The following RGS20 variants were observed in gnomAD, a reference collection of about 807,000 sequenced individuals.
RGS20 encodes regulator of G protein signaling 20.
RGS20 carries 30 observed loss-of-function variants against 33.6 expected under a neutral mutation model. The ratio of observed to expected loss-of-function variants is 0.89; its 90% CI spans 0.67 to 1.21. The LOEUF (loss-of-function observed/expected upper bound fraction) is 1.21, where lower values mean the gene tolerates loss of function less well. Among genes scored for constraint, RGS20 ranks in the 50% most tolerant of loss-of-function variants. The pLI is 0.00. For synonymous variants in RGS20, 208 were observed against 197.9 expected (o/e 1.05, Z -0.43); for missense variants, 472 against 502.4 (o/e 0.94, Z 0.58).
At chr8:53,899,594 G>A (rs1812956331) in intron 2 of RGS20, among the ~76,000 whole-genome samples, 1 of 152,120 alleles carries the variant, frequency 6.6e-6, no homozygotes, top group Non-Finnish European at 1.5e-5. Context: ...AGCAGCCCCA[G>A]GCAGCCACTG....
chr8:53,920,625 G>A (rs1472274674), intron 2 of RGS20, among the ~76,000 whole-genome samples: 1 of 152,152 alleles, frequency 6.6e-6, no homozygotes, highest in African/African-American at 2.4e-5. Flanking sequence ...TAGAGAGAAA[G>A]CCATCAGTCT....
chr8:53,926,868 A>G (rs7011248), intron 2 of RGS20, among the ~76,000 whole-genome samples: 62,074 of 151,800 alleles, frequency 0.41, 15,829 homozygotes, highest in African/African-American at 0.73. Context: ...AGCCGAGATC[A>G]CACCACTGCA....
chr8:53,900,470 G>T (rs918426733), intron 2 of RGS20, among the ~76,000 whole-genome samples: 8 of 151,946 alleles, frequency 5.3e-5, no homozygotes, highest in African/African-American at 1.9e-4. Flanking sequence ...CACCTATAAG[G>T]TCTTTCTATA....
intron 1 of RGS20, among the ~76,000 whole-genome samples, chr8:53,874,595 T>C (rs1164038291): frequency 1.3e-5 from 2 of 152,196 alleles, no homozygotes; most frequent in Non-Finnish European, 2.9e-5. Context: ...AGTTGGAAAC[T>C]CAGTCAGCGT....
chr8:53,956,567 C>T (rs1287920616), intron 5 of RGS20, among the ~76,000 whole-genome samples: 1 of 152,082 alleles, frequency 6.6e-6, no homozygotes, highest in Non-Finnish European at 1.5e-5. Flanking sequence ...TGAGGCAAAC[C>T]CCACCGTCTC....
intron 1 of RGS20, among the ~76,000 whole-genome samples, chr8:53,864,941 A>T (rs1208663809): frequency 2.6e-5 from 4 of 152,210 alleles, no homozygotes; most frequent in Non-Finnish European, 5.9e-5. Context: ...AATGCCAAGC[A>T]AAGCAGTCTA....
rs1813609515 is a variant in RGS20, at chr8:53,920,439, G to T, written c.511-19137G>T. On this transcript the variant is annotated intron_variant, in intron 2 of 5. Transcript: ENST00000297313. Reference sequence around the variant, plus strand: ...TTGTTTGTTTTTAGTGGAATTCTTAGGATTTTTAAATAAGCAAGATCATGT... The same window carrying T: ...TTGTTTGTTTTTAGTGGAATTCTTATGATTTTTAAATAAGCAAGATCATGT... Among the ~76,000 whole-genome samples, 12 of 151,906 alleles carry T rather than the reference G, an allele frequency of 7.9e-5. No homozygotes were observed. In the South Asian group the frequency reaches 2.5e-3, roughly 31 times the overall value.
intron 2 of RGS20, among the ~76,000 whole-genome samples, chr8:53,894,957 A>G (rs552783118): frequency 6.6e-6 from 1 of 152,312 alleles, no homozygotes; most frequent in Admixed American, 6.5e-5. Flanking sequence ...TAAAAGAGTT[A>G]GTAAATATTT....
intron 2 of RGS20, among the ~76,000 whole-genome samples, chr8:53,905,522 T>G (rs966132514): frequency 2.0e-5 from 3 of 152,202 alleles, no homozygotes; most frequent in African/African-American, 7.2e-5. Flanking sequence ...CAGCGTCCTC[T>G]CAAACTTAGA....
intron 2 of RGS20, among the ~76,000 whole-genome samples, chr8:53,908,479 A>G (rs1311520690): frequency 1.3e-5 from 2 of 152,142 alleles, no homozygotes; most frequent in East Asian, 3.9e-4. Flanking sequence ...GCCTCTATTC[A>G]TAATACAAAA....
At chr8:53,913,110 C>G (rs931168042) in intron 2 of RGS20, among the ~76,000 whole-genome samples, 2 of 151,964 alleles carry the variant, frequency 1.3e-5, no homozygotes, top group Non-Finnish European at 2.9e-5. Context: ...GGATTACAGG[C>G]ACCTGCCACC....
At chr8:53,903,160 G>A (rs1014719830) in intron 2 of RGS20, among the ~76,000 whole-genome samples, 6 of 152,180 alleles carry the variant, frequency 3.9e-5, no homozygotes, top group Non-Finnish European at 7.3e-5. Context: ...AATATGGTAC[G>A]TGTGTGTGCT....
At chr8:53,881,554 G>A (rs1812384928) in intron 2 of RGS20, among the ~76,000 whole-genome samples, 1 of 152,080 alleles carries the variant, frequency 6.6e-6, no homozygotes. Context: ...GCTGGGAAGG[G>A]TAAGGAGACA....
At chr8:53,856,123 C>T (rs2129266344) in intron 1 of RGS20, among the ~76,000 whole-genome samples, 1 of 152,228 alleles carries the variant, frequency 6.6e-6, no homozygotes, top group Middle Eastern at 3.4e-3. Context: ...CCAACATGGG[C>T]CACTAATTTA....
At chr8:53,900,301 C>A (rs536867350) in intron 2 of RGS20, among the ~76,000 whole-genome samples, 79 of 152,228 alleles carry the variant, frequency 5.2e-4, no homozygotes, top group African/African-American at 1.9e-3. Flanking sequence ...GCCACCATGC[C>A]TGGCTGATTT....
At chr8:53,951,046 G>T (rs1387411865) in intron 4 of RGS20, among the ~76,000 whole-genome samples, 1 of 152,198 alleles carries the variant, frequency 6.6e-6, no homozygotes, top group South Asian at 2.1e-4. Context: ...GTAACAACTT[G>T]TATGTACCTA....
At chr8:53,923,884 A>T (rs918905585) in intron 2 of RGS20, among the ~76,000 whole-genome samples, 1 of 152,232 alleles carries the variant, frequency 6.6e-6, no homozygotes, top group Middle Eastern at 3.4e-3. Flanking sequence ...TTGACATTTT[A>T]AATGTAAATG....
intron 2 of RGS20, among the ~76,000 whole-genome samples, chr8:53,887,959 A>G (rs1006455283): frequency 1.3e-5 from 2 of 151,972 alleles, no homozygotes; most frequent in Non-Finnish European, 2.9e-5. Context: ...AGCCTGGGCA[A>G]CAGAGTGAGA....
chr8:53,946,157 TA>T (rs1208556483), intron 3 of RGS20, among the ~76,000 whole-genome samples: 4 of 152,206 alleles, frequency 2.6e-5, no homozygotes, highest in Non-Finnish European at 5.9e-5. Context: ...GTATACTTTT[TA>T]AGATGCAGAA....
Sources: gnomAD v4.1 joint callset for allele counts (sites outside exome capture counted in the v4.1 genomes callset) on GRCh38, gnomAD v4.1.1 for gene constraint, MANE v1.5 for transcripts, NCBI Gene and HGNC (gene_info 2026-07-23, HGNC 2026-07-21) for gene names.